The following COBL variants were observed in gnomAD, a reference collection of about 807,000 sequenced individuals.
The protein encoded by COBL is cordon-bleu WH2 repeat protein.
A neutral mutation model predicts 98.8 loss-of-function variants in COBL; 51 were observed. The ratio of observed to expected loss-of-function variants is 0.52; its 90% confidence interval spans 0.41 to 0.65. The LOEUF is 0.65. Ranked by LOEUF, COBL falls within the 30% of genes least tolerant of loss-of-function variation. The pLI, the probability that COBL is intolerant of heterozygous loss-of-function variation, is 0.00. For missense variants in COBL, 1,617 were observed against 1,617.5 expected (o/e 1.00, Z 0.01); for synonymous variants, 634 against 651.7 (o/e 0.97, Z 0.41).
chr7:51,094,594 C>A (rs1425852724), intron 6 of COBL, among the ~76,000 whole-genome samples: 5 of 151,960 alleles, frequency 3.3e-5, no homozygotes, highest in African/African-American at 1.2e-4. Flanking sequence ...CATCTCTAGA[C>A]CTGCATTACA....
chr7:51,093,115 T>C (rs962572085), intron 6 of COBL, among the ~76,000 whole-genome samples: 1 of 152,140 alleles, frequency 6.6e-6, no homozygotes, highest in African/African-American at 2.4e-5. Flanking sequence ...TAGAAAATAT[T>C]TGCAAACCAT....
Position 51,017,526 on chromosome 7 carries a change from C to G in COBL, c.*25G>C. ...CTGTGGGCATATTACAGGTGGGTTT[C>G]TGCAATTCTCTGGCCTCTGTTCATT... On this transcript the variant is annotated 3_prime_UTR_variant, in exon 13 of 13. Coordinates refer to ENST00000265136, the MANE Select transcript of COBL (RefSeq NM_015198.5). The G allele has an allele frequency of 6.2e-7, 1 of 1,613,470 alleles. No homozygotes were observed. The highest frequency in any genetic ancestry group is 1.1e-5 in the South Asian group (1 of 91,064).
chr7:51,294,982 A>AG (rs1275074487), intron 1 of COBL, among the ~76,000 whole-genome samples: 1 of 151,998 alleles, frequency 6.6e-6, no homozygotes, highest in Non-Finnish European at 1.5e-5. Context: ...CTAATGCATG[A>AG]GGGGCTTAAA....
At chr7:51,123,175 A>T (rs1237216026) in intron 6 of COBL, among the ~76,000 whole-genome samples, 2 of 152,212 alleles carry the variant, frequency 1.3e-5, no homozygotes, top group Non-Finnish European at 2.9e-5. Context: ...AAAAGGAAGC[A>T]TCTCAAAAAA....
chr7:51,273,589 T>G (rs1057142920), intron 1 of COBL, among the ~76,000 whole-genome samples: 2 of 152,172 alleles, frequency 1.3e-5, no homozygotes, highest in Non-Finnish European at 2.9e-5. Flanking sequence ...CTTCTGCCGT[T>G]AGACTGAAAA....
At chr7:51,209,039 GATCA>G (rs1476415042) in intron 2 of COBL, among the ~76,000 whole-genome samples, 18 of 90,544 alleles carry the variant, frequency 2.0e-4, no homozygotes, top group Admixed American at 9.0e-4. Flanking sequence ...ACCCAAGAAT[GATCA>G]ATTAAAAAAA....
intron 1 of COBL, among the ~76,000 whole-genome samples, chr7:51,277,055 A>C (rs1336254770): frequency 1.3e-5 from 2 of 152,184 alleles, no homozygotes; most frequent in Admixed American, 6.5e-5. Flanking sequence ...AGGCCCCATC[A>C]TCAACCTCTA....
At chr7:51,227,791 T>C (rs911422878) in intron 1 of COBL, among the ~76,000 whole-genome samples, 1 of 152,164 alleles carries the variant, frequency 6.6e-6, no homozygotes, top group African/African-American at 2.4e-5. Context: ...AAGACAAGAA[T>C]TCCTTCTAAT....
At chr7:51,225,427 G>A (rs1339833881) in intron 1 of COBL, among the ~76,000 whole-genome samples, 2 of 152,168 alleles carry the variant, frequency 1.3e-5, no homozygotes, top group Admixed American at 6.5e-5. Context: ...ACCCATCGCA[G>A]GTGCTCCCGG....
At chr7:51,281,497 T>C (rs1256260409) in intron 1 of COBL, among the ~76,000 whole-genome samples, 1 of 152,178 alleles carries the variant, frequency 6.6e-6, no homozygotes, top group Non-Finnish European at 1.5e-5. Flanking sequence ...CTCTGGGACA[T>C]CATTATCAAA....
intron 12 of COBL, among the ~76,000 whole-genome samples, chr7:51,018,891 C>CA (rs11433270): frequency 0.014 from 95 of 6,788 alleles, 8 homozygotes; most frequent in African/African-American, 0.029. Context: ...AACTCCATCT[C>CA]AAAAAAAAAA....
rs1207323201 is a variant in COBL, at chr7:51,219,724, G to A, written c.245+17C>T. 4 of 1,610,846 alleles carry A rather than the reference G, an allele frequency of 2.5e-6. No homozygotes were observed. The South Asian group carries it at 4.4e-5, about 18-fold the overall frequency. On this transcript the variant is annotated intron_variant, in intron 2 of 12. Transcript: ENST00000265136. ...CAAAGTGAGTACAGCGACTCCTCCT[G>A]CAGCACCGGCTCTCACCTCCCATTG...
At chr7:51,083,593 T>C (rs1029265557) in intron 7 of COBL, among the ~76,000 whole-genome samples, 1 of 152,240 alleles carries the variant, frequency 6.6e-6, no homozygotes, top group African/African-American at 2.4e-5. Context: ...CTTTTATTAA[T>C]GTTAGTCTTT....
intron 7 of COBL, among the ~76,000 whole-genome samples, chr7:51,068,764 A>G (rs1041884128): frequency 6.6e-6 from 1 of 152,236 alleles, no homozygotes; most frequent in Non-Finnish European, 1.5e-5. Flanking sequence ...TATAAAAAAT[A>G]GCATAAAACC....
In COBL at chr7:51,298,586, C is replaced by T. The variant is rs562014715; in HGVS notation, c.41+18007G>A. Among the ~76,000 whole-genome samples, 5 of 152,354 alleles carry T rather than the reference C, an allele frequency of 3.3e-5. No homozygotes were observed. In the South Asian group the frequency reaches 1.0e-3, roughly 32 times the overall value. On this transcript the variant is annotated intron_variant, in intron 1 of 12. Transcript: ENST00000265136. Reference sequence around the variant, plus strand: ...GCCACTCCATTGCTCTTACTTAGCTCATGGCTCATTCACCATCTGAAAAGT... The same window carrying T: ...GCCACTCCATTGCTCTTACTTAGCTTATGGCTCATTCACCATCTGAAAAGT...
intron 7 of COBL, among the ~76,000 whole-genome samples, chr7:51,045,062 C>T (rs1386544755): frequency 6.6e-6 from 1 of 152,228 alleles, no homozygotes; most frequent in African/African-American, 2.4e-5. Flanking sequence ...CTAGTTCTCT[C>T]CCCAGCTTTT....
chr7:51,098,972 G>A (rs1167401022), intron 6 of COBL, among the ~76,000 whole-genome samples: 2 of 151,758 alleles, frequency 1.3e-5, no homozygotes, highest in Non-Finnish European at 2.9e-5. Context: ...TTTCTCCAAG[G>A]AAGATATACA....
chr7:51,135,850 GGAA>G (rs2129006107), intron 6 of COBL, among the ~76,000 whole-genome samples: 1 of 152,276 alleles, frequency 6.6e-6, no homozygotes, highest in East Asian at 1.9e-4. Context: ...CTCAGTCCAG[GGAA>G]GAAGACTGCA....
At chr7:51,315,742 G>A (rs1046204077) in intron 1 of COBL, among the ~76,000 whole-genome samples, 2 of 151,980 alleles carry the variant, frequency 1.3e-5, no homozygotes, top group South Asian at 2.1e-4. Context: ...CTGGCTCGGG[G>A]TCTGAATAAT....
Sources: gnomAD v4.1 joint callset for allele counts (sites outside exome capture counted in the v4.1 genomes callset) on GRCh38, gnomAD v4.1.1 for gene constraint, MANE v1.5 for transcripts, NCBI Gene and HGNC (gene_info 2026-07-23, HGNC 2026-07-21) for gene names.